The following ASB15 variants were observed in gnomAD, a reference collection of about 807,000 sequenced individuals.
The protein encoded by ASB15 is ankyrin repeat and SOCS box protein 15.
A neutral mutation model predicts 58.0 loss-of-function variants in ASB15; 54 were observed. The ratio of observed to expected loss-of-function variants is 0.93; its 90% CI spans 0.75 to 1.17. The LOEUF is 1.17. Ranked by LOEUF, ASB15 falls within the 50% of genes most tolerant of loss-of-function variation. The pLI is 0.00. For missense variants in ASB15, 680 were observed against 707.4 expected, an observed-to-expected ratio of 0.96 and a Z score of 0.44; for synonymous variants, 249 against 262.4, an observed-to-expected ratio of 0.95 and a Z score of 0.50.
At chr7:123,625,377 C>A (rs766671039) in intron 8 of ASB15, among the ~76,000 whole-genome samples, 39 of 152,146 alleles carry the variant, frequency 2.6e-4, no homozygotes, top group Non-Finnish European at 4.7e-4. Context: ...GTACATACTG[C>A]AACTTGGCTC....
chr7:123,635,753 G>A (rs1802393969), intron 11 of ASB15, among the ~76,000 whole-genome samples: 1 of 151,284 alleles, frequency 6.6e-6, no homozygotes, highest in Non-Finnish European at 1.5e-5. Context: ...ACCACTGGAT[G>A]TCAGGAGTCC....
rs1371727047 is a variant in ASB15 at position 123,637,108 on chromosome 7, C to A, written c.*127C>A. 4.6e-6 allele frequency: 3 copies of A among 651,958 alleles called. No individual in the cohort carries two copies. Among genetic ancestry groups the A allele is most frequent in the Non-Finnish European group, 7.6e-6 (3 of 396,732 alleles). The allele number at this position is 651,958 out of a possible 1,614,324, so 40.4% of individuals were successfully genotyped here. A position where few individuals can be genotyped will look rare whatever the true frequency, so the allele number is the denominator to read the frequency against. On this transcript the variant is annotated 3_prime_UTR_variant, in exon 12 of 12. Transcript: ENST00000451215. Reference sequence around the variant, plus strand: ...ATTCATTGACAGTTTTATAGGTTATCATGTGTTCTTATGGGAACACCATGA... The same window carrying A: ...ATTCATTGACAGTTTTATAGGTTATAATGTGTTCTTATGGGAACACCATGA...
rs1274622975 is a variant in ASB15 at position 123,638,411 on chromosome 7, A to G, written c.*1430A>G. Reference sequence around the variant, plus strand: ...AGACTTCAAGGTGTCATACACTAATAGGTTTTATTGTGTTTATTTTTCAAA... The same window carrying G: ...AGACTTCAAGGTGTCATACACTAATGGGTTTTATTGTGTTTATTTTTCAAA... On this transcript the variant is annotated 3_prime_UTR_variant, in exon 12 of 12. Coordinates refer to ENST00000451215, the MANE Select transcript of ASB15 (RefSeq NM_001290258.2). The G allele has an allele frequency of 6.6e-6, 1 of 152,086 alleles. No individual in the cohort carries two copies. Among genetic ancestry groups the G allele is most frequent in the African/African-American group, 2.4e-5 (1 of 41,402 alleles). The allele number at this position is 152,086 out of a possible 1,614,324, so 9.4% of individuals were successfully genotyped here.
At chr7:123,572,588 T>C (rs553867395) in intron 1 of ASB15, among the ~76,000 whole-genome samples, 2 of 152,246 alleles carry the variant, frequency 1.3e-5, no homozygotes, top group African/African-American at 4.8e-5. Flanking sequence ...TATATTGTTA[T>C]AATTTTTCTT....
intron 7 of ASB15, among the ~76,000 whole-genome samples, chr7:123,620,753 AG>A (rs2116574992): frequency 6.7e-6 from 1 of 149,738 alleles, no homozygotes; most frequent in African/African-American, 2.5e-5. Flanking sequence ...TATTAGAGAC[AG>A]GGTTTCACCA....
At chr7:123,569,594 G>T (rs868293450) in intron 1 of ASB15, among the ~76,000 whole-genome samples, 1 of 152,210 alleles carries the variant, frequency 6.6e-6, no homozygotes, top group Non-Finnish European at 1.5e-5. Context: ...GCCCCTAGGG[G>T]AAGGGGAGTA....
In ASB15 at chr7:123,630,088, G is replaced by GA. The variant is rs1314007069; in HGVS notation, c.1564dup (p.Arg522LysfsTer55). On this transcript the variant is annotated frameshift_variant, in exon 11 of 12. Coordinates refer to ENST00000451215, the MANE Select transcript of ASB15 (RefSeq NM_001290258.2). LOFTEE classifies it high-confidence loss of function. ...AACTGAAGTCTGCACTAGAAGTACA[G>GA]AGAGAATGGCCAGAAATCCGCCAAA... 6.2e-7 allele frequency: 1 copy of GA among 1,600,116 alleles called. No individual in the cohort carries two copies. The highest frequency in any genetic ancestry group is 2.2e-5 in the East Asian group (1 of 44,674).
In ASB15 at chr7:123,616,256, TG is replaced by T. The variant is rs1372386588; in HGVS notation, c.145del (p.Glu49ArgfsTer3). The stretch of plus-strand genomic sequence containing the variant: ...CTAAGTGCTCAAAACAGAAAACTTG[TG>T]GAGGCCATAAAACAAGGTAAATGGG... ...VPLSAQNRKLVEAIKQGHIPE... is the reference protein window; with the variant it reads ...VPLSAQNRKLXEAIKQGHIPE... On this transcript the variant is annotated frameshift_variant, in exon 5 of 12. Coordinates refer to ENST00000451215, the MANE Select transcript of ASB15 (RefSeq NM_001290258.2). LOFTEE classifies it high-confidence loss of function. The T allele has an allele frequency of 6.2e-7, 1 of 1,609,626 alleles. No individual in the cohort carries two copies. The highest frequency in any genetic ancestry group is 1.7e-5 in the Admixed American group (1 of 59,986).
At chr7:123,608,683 T>C (rs1406834421) in intron 3 of ASB15, 29 bp downstream of exon 3, 3 of 152,134 alleles carry the variant, frequency 2.0e-5, no homozygotes, top group African/African-American at 7.2e-5. Context: ...GACTGTGGGG[T>C]AAAACCCAAT....
At chr7:123,575,281 C>T (rs565887122) in intron 1 of ASB15, among the ~76,000 whole-genome samples, 1 of 152,174 alleles carries the variant, frequency 6.6e-6, no homozygotes, top group Non-Finnish European at 1.5e-5. Flanking sequence ...CCTTCTTTCT[C>T]TCTCATCCTT....
chr7:123,603,238 C>G (rs142360231), intron 1 of ASB15, among the ~76,000 whole-genome samples: 6 of 152,110 alleles, frequency 3.9e-5, no homozygotes, highest in Admixed American at 6.6e-5. Flanking sequence ...ATATATGTGT[C>G]TAGCCCTGTG....
chr7:123,576,954 A>T (rs2116298768), intron 1 of ASB15, among the ~76,000 whole-genome samples: 1 of 152,278 alleles, frequency 6.6e-6, no homozygotes, highest in Admixed American at 6.5e-5. Context: ...AATTTTCAGG[A>T]GGAAAAAGAG....
At chr7:123,635,223 T>C (rs1371917338) in intron 11 of ASB15, among the ~76,000 whole-genome samples, 1 of 152,156 alleles carries the variant, frequency 6.6e-6, no homozygotes, top group Non-Finnish European at 1.5e-5. Context: ...TAAAGAAGAA[T>C]GGATTGTAGA....
At chr7:123,584,301 G>C (rs1402595864) in intron 1 of ASB15, among the ~76,000 whole-genome samples, 1 of 87,510 alleles carries the variant, frequency 1.1e-5, no homozygotes, top group African/African-American at 4.9e-5. Flanking sequence ...ACACAGAAAG[G>C]CCTTGTCAAA....
Position 123,614,532 on chromosome 7 carries a change from C to T in ASB15, c.30C>T (p.Asp10=). MDTNDDPDE[D]HLTSYDIQLS... ...ATACTAATGATGACCCTGATGAAGA[C>T]CATCTTACAAGTTATGATATTCAGC... Residue 10 remains aspartate (D), a synonymous_variant, in exon 4 of 12, where the codon GAC becomes GAT. Coordinates refer to ENST00000451215, the MANE Select transcript of ASB15 (RefSeq NM_001290258.2). 1 of 1,608,572 alleles carries T rather than the reference C, an allele frequency of 6.2e-7. No individual in the cohort carries two copies. The highest frequency in any genetic ancestry group is 8.5e-7 in the Non-Finnish European group (1 of 1,175,420).
At chr7:123,570,148 C>A (rs999319691) in intron 1 of ASB15, among the ~76,000 whole-genome samples, 1 of 151,138 alleles carries the variant, frequency 6.6e-6, no homozygotes, top group East Asian at 2.0e-4. Context: ...CATTCTCCTG[C>A]CTCAGCCTCC....
chr7:123,616,761 T>G (rs1250446668), intron 6 of ASB15, among the ~76,000 whole-genome samples: 1 of 152,166 alleles, frequency 6.6e-6, no homozygotes, highest in African/African-American at 2.4e-5. Flanking sequence ...ATAAAAGTGA[T>G]AAAAGTTTCT....
intron 11 of ASB15, among the ~76,000 whole-genome samples, chr7:123,630,446 G>A (rs75614337): frequency 0.11 from 16,172 of 152,142 alleles, 1,152 homozygotes; most frequent in East Asian, 0.19. Flanking sequence ...TTTGTTTCTT[G>A]TTATATTTGC....
rs6962756 is a variant in ASB15 at position 123,616,373 on chromosome 7, C to T, written c.170C>T (p.Pro57Leu). 0.78 allele frequency: 1,249,321 copies of T among 1,608,676 alleles called. 485,880 individuals are homozygous for T. Among genetic ancestry groups the T allele is most frequent in the South Asian group, 0.85 (76,792 of 90,698 alleles). Residue 57 changes from proline (P) to leucine (L), a missense_variant, in exon 6 of 12, where the codon CCT (proline) becomes CTT (leucine). By Grantham distance (98) the Pro-to-Leu change is moderately conservative. Coordinates refer to ENST00000451215, the MANE Select transcript of ASB15 (RefSeq NM_001290258.2). ...LVEAIKQGHI[P>L]ELQEYVKYKY... ...CATGTGTTTAATTTAGGTCACATTC[C>T]TGAGCTCCAGGAGTATGTAAAATAT...
Sources: gnomAD v4.1 joint callset for allele counts (sites outside exome capture counted in the v4.1 genomes callset) on GRCh38, gnomAD v4.1.1 for gene constraint, MANE v1.5 for transcripts, NCBI Gene and HGNC (gene_info 2026-07-23, HGNC 2026-07-21) for gene names.